The following AUTS2 variants were observed in gnomAD, a reference collection of about 807,000 sequenced individuals.
AUTS2 encodes activator of transcription and developmental regulator AUTS2, also known as autism susceptibility gene 2 protein.
A neutral mutation model predicts 112.4 loss-of-function variants in AUTS2; 17 were observed. The ratio of observed to expected loss-of-function variants is 0.15; its 90% CI spans 0.10 to 0.23. AUTS2 has a LOEUF of 0.23. AUTS2 is among the 10% of genes least tolerant of loss of function. The pLI is 1.00. For synonymous variants in AUTS2, 751 were observed against 702.7 expected (o/e 1.07, Z -1.09); for missense variants, 1,510 against 1,701.6 (o/e 0.89, Z 1.98).
intron 1 of AUTS2, among the ~76,000 whole-genome samples, chr7:69,724,727 C>T (rs1178378076): frequency 6.6e-6 from 1 of 152,098 alleles, no homozygotes. Context: ...CAGAAAATTT[C>T]AAATTATGGT....
intron 4 of AUTS2, among the ~76,000 whole-genome samples, chr7:70,432,019 A>G (rs1422360684): frequency 6.6e-6 from 1 of 152,144 alleles, no homozygotes; most frequent in Non-Finnish European, 1.5e-5. Context: ...GATTGCTGTA[A>G]GGCCTAGTTG....
intron 5 of AUTS2, among the ~76,000 whole-genome samples, chr7:70,649,560 G>A (rs753548480): frequency 8.0e-5 from 12 of 149,576 alleles, no homozygotes; most frequent in Admixed American, 4.7e-4. Flanking sequence ...ACGGAGTCTC[G>A]CACTGTCACC....
At chr7:69,614,838 GACAC>G (rs1793280157) in intron 1 of AUTS2, among the ~76,000 whole-genome samples, 1 of 152,154 alleles carries the variant, frequency 6.6e-6, no homozygotes, top group Admixed American at 6.5e-5. Context: ...CATGCTCTGA[GACAC>G]ACAGTCTTGC....
intron 2 of AUTS2, among the ~76,000 whole-genome samples, chr7:70,100,709 T>G (rs1804441777): frequency 6.6e-6 from 1 of 151,994 alleles, no homozygotes; most frequent in African/African-American, 2.4e-5. Context: ...GTAGATAGAT[T>G]TAAAAACATT....
At position 70,630,582 on chromosome 7, in the gene AUTS2, G is replaced by A. The variant is rs577954500; in HGVS notation, c.691-67987G>A. On this transcript the variant is annotated intron_variant, in intron 5 of 18. Transcript: ENST00000342771. ...TCCTGCTCTTCCTCTCCTGCCTGCTGTTTGCTGACCAGAAAAATCTGGCTG... is the reference window on the plus strand; with the variant it reads ...TCCTGCTCTTCCTCTCCTGCCTGCTATTTGCTGACCAGAAAAATCTGGCTG... 3.9e-5 allele frequency among the ~76,000 whole-genome samples: 6 copies of A among 152,190 alleles called. No individual in the cohort carries two copies. In the South Asian group the frequency reaches 6.2e-4, roughly 16 times the overall value.
chr7:69,757,677 C>T (rs1787996822), intron 1 of AUTS2, among the ~76,000 whole-genome samples: 1 of 152,132 alleles, frequency 6.6e-6, no homozygotes. Flanking sequence ...CTTGTTATTA[C>T]TGTTTGCCTG....
intron 4 of AUTS2, among the ~76,000 whole-genome samples, chr7:70,208,795 G>A (rs1214695745): frequency 6.6e-6 from 1 of 151,796 alleles, no homozygotes; most frequent in African/African-American, 2.4e-5. Context: ...GCAGAAGAAA[G>A]AAGAAGTACA....
chr7:70,581,809 T>A (rs577323631), intron 5 of AUTS2, among the ~76,000 whole-genome samples: 52 of 152,346 alleles, frequency 3.4e-4, no homozygotes, highest in African/African-American at 1.2e-3. Flanking sequence ...GGCATTTTTT[T>A]AATGTGGTGT....
chr7:69,748,034 G>A (rs1450140081), intron 1 of AUTS2, among the ~76,000 whole-genome samples: 1 of 148,664 alleles, frequency 6.7e-6, no homozygotes. Context: ...ATAAATTTAT[G>A]GATTTTTTCT....
chr7:70,437,503 A>G (rs1585143913), intron 5 of AUTS2: 1 of 152,200 alleles, frequency 6.6e-6, no homozygotes, highest in Non-Finnish European at 1.5e-5. Flanking sequence ...AAAAGGATAA[A>G]TCTTATTCAG....
At chr7:69,606,920 C>A (rs953065892) in intron 1 of AUTS2, among the ~76,000 whole-genome samples, 1 of 152,218 alleles carries the variant, frequency 6.6e-6, no homozygotes. Flanking sequence ...AGTGTGTCTT[C>A]TTTCTTCCAA....
At position 70,786,175 on chromosome 7, in the gene AUTS2, G is replaced by A. The variant is rs115472450; in HGVS notation, c.2308+137G>A. 894 of 711,812 alleles carry A rather than the reference G, an allele frequency of 1.3e-3. 5 individuals are homozygous for A. The African/African-American group carries it at 0.015, about 12-fold the overall frequency. 44.1% of individuals were successfully genotyped at this position (711,812 alleles called of 1,614,324 possible). On this transcript the variant is annotated intron_variant, in intron 17 of 18. Coordinates refer to ENST00000342771, the MANE Select transcript of AUTS2 (RefSeq NM_015570.4). ...GTAGGTTATATCACTGCAAAAGCAG[G>A]CCTTCACAGTGGGGTGAGGTGGAAG...
At chr7:70,696,613 G>T (rs532128301) in intron 5 of AUTS2, among the ~76,000 whole-genome samples, 14 of 152,266 alleles carry the variant, frequency 9.2e-5, no homozygotes, top group African/African-American at 3.4e-4. Context: ...CCCATGTGGA[G>T]CTGACAAAGG....
chr7:70,580,665 A>G (rs1802391347), intron 5 of AUTS2, among the ~76,000 whole-genome samples: 1 of 152,086 alleles, frequency 6.6e-6, no homozygotes, highest in Admixed American at 6.6e-5. Context: ...GTGTGCAGGG[A>G]GAGTCAGGTT....
chr7:70,496,963 C>T (rs566022282), intron 5 of AUTS2, among the ~76,000 whole-genome samples: 1 of 122,370 alleles, frequency 8.2e-6, no homozygotes, highest in East Asian at 2.6e-4. Context: ...ATGCACACGT[C>T]ACATCAGCGT....
chr7:70,454,623 G>T (rs1232433535), intron 5 of AUTS2, among the ~76,000 whole-genome samples: 1 of 152,118 alleles, frequency 6.6e-6, no homozygotes, highest in African/African-American at 2.4e-5. Flanking sequence ...GGCCGGGCAC[G>T]GTGACTCACA....
At chr7:69,809,739 G>A (rs1158224166) in intron 1 of AUTS2, among the ~76,000 whole-genome samples, 1 of 152,110 alleles carries the variant, frequency 6.6e-6, no homozygotes. Flanking sequence ...ACTGTGTGAC[G>A]GAGCTGACAT....
chr7:70,133,218 T>C (rs1806369352), intron 3 of AUTS2, among the ~76,000 whole-genome samples: 1 of 152,206 alleles, frequency 6.6e-6, no homozygotes, highest in Non-Finnish European at 1.5e-5. Context: ...TGAAGCATAC[T>C]GTTCTTGTTT....
chr7:69,709,663 C>G (rs572236912), intron 1 of AUTS2, among the ~76,000 whole-genome samples: 1 of 152,296 alleles, frequency 6.6e-6, no homozygotes, highest in African/African-American at 2.4e-5. Flanking sequence ...TATGCTCTGA[C>G]TCAAGTGGAA....
Sources: allele counts gnomAD v4.1 joint callset (sites outside exome capture counted in the v4.1 genomes callset), GRCh38; gene constraint gnomAD v4.1.1; transcripts MANE v1.5; gene names NCBI Gene and HGNC (gene_info 2026-07-23, HGNC 2026-07-21).